The following SSBP3 variants were observed in gnomAD, a reference collection of about 807,000 sequenced individuals.
SSBP3 encodes single-stranded DNA-binding protein 3.
In SSBP3, 5 loss-of-function variants were observed where a neutral mutation model predicts 69.6. That is an observed-to-expected ratio of 0.07 (90% confidence interval 0.04 to 0.15). SSBP3 has a LOEUF of 0.15. SSBP3 is among the 10% of genes least tolerant of loss of function. The probability of loss-of-function intolerance (pLI) is 1.00; values close to 1 mark genes in which losing one functional copy is unlikely to be tolerated. For missense variants in SSBP3, 312 were observed against 534.0 expected (o/e 0.58, Z 4.10); for synonymous variants, 196 against 193.4 (o/e 1.01, Z -0.11).
chr1:54,338,498 C>T (rs186387187), intron 4 of SSBP3, among the ~76,000 whole-genome samples: 82 of 152,316 alleles, frequency 5.4e-4, no homozygotes, highest in African/African-American at 1.8e-3. Flanking sequence ...CCCACTTTCT[C>T]CACCCGCTAG....
intron 9 of SSBP3, among the ~76,000 whole-genome samples, chr1:54,248,373 A>G (rs1049874802): frequency 5.3e-5 from 8 of 152,234 alleles, no homozygotes; most frequent in African/African-American, 1.4e-4. Flanking sequence ...GGGGACTTCA[A>G]GTAACATTTC....
chr1:54,396,198 A>C (rs1375202288), intron 4 of SSBP3, among the ~76,000 whole-genome samples: 1 of 119,796 alleles, frequency 8.3e-6, no homozygotes, highest in East Asian at 2.0e-4. Context: ...TCTCAGAAAA[A>C]AAAAAAAAAA....
chr1:54,392,143 A>C (rs1421811980), intron 4 of SSBP3, among the ~76,000 whole-genome samples: 1 of 152,190 alleles, frequency 6.6e-6, no homozygotes, highest in East Asian at 1.9e-4. Flanking sequence ...TCAATGCACT[A>C]AGACTATGGC....
intron 4 of SSBP3, among the ~76,000 whole-genome samples, chr1:54,388,348 C>T (rs2100754835): frequency 6.6e-6 from 1 of 152,306 alleles, no homozygotes; most frequent in South Asian, 2.1e-4. Context: ...TTCTCTGAGC[C>T]CTGGCTTCCT....
chr1:54,239,089 T>C, intron 14 of SSBP3, 40 bp downstream of exon 14: 1 of 1,537,544 alleles, frequency 6.5e-7, no homozygotes, highest in Non-Finnish European at 9.0e-7. Flanking sequence ...TATGATTTGT[T>C]ATGGTGTCTG....
Position 54,393,716 on chromosome 1 carries a change from G to A in SSBP3, c.276+8145C>T, listed in dbSNP as rs139601321. 8.5e-4 allele frequency among the ~76,000 whole-genome samples: 129 copies of A among 152,300 alleles called. 2 individuals carry two copies. In the East Asian group the frequency reaches 0.022, roughly 26 times the overall value. On this transcript the variant is annotated intron_variant, in intron 4 of 17. Coordinates refer to ENST00000610401, the Ensembl canonical transcript of SSBP3. ...TGCTAGGCACTATTATATATTGTGT[G>A]TATATGTGTAAACTTAATCTTTATG...
chr1:54,244,462 G>T (rs1384382036), intron 9 of SSBP3, among the ~76,000 whole-genome samples: 1 of 151,980 alleles, frequency 6.6e-6, no homozygotes, highest in African/African-American at 2.4e-5. Flanking sequence ...GCCCAGGCTG[G>T]TCTCGAACTC....
At chr1:54,389,150 C>A (rs1648296185) in intron 4 of SSBP3, among the ~76,000 whole-genome samples, 1 of 152,174 alleles carries the variant, frequency 6.6e-6, no homozygotes, top group South Asian at 2.1e-4. Context: ...TTCCCCTGAG[C>A]TGATGAGAAA....
intron 4 of SSBP3, among the ~76,000 whole-genome samples, chr1:54,288,589 G>A (rs537633145): frequency 7.0e-6 from 1 of 142,634 alleles, no homozygotes; most frequent in East Asian, 2.7e-4. Context: ...GCAGGGGTGG[G>A]GGGGGGGAGG....
chr1:54,289,918 C>T (rs1645573942), intron 4 of SSBP3, among the ~76,000 whole-genome samples: 1 of 152,112 alleles, frequency 6.6e-6, no homozygotes, highest in Admixed American at 6.5e-5. Flanking sequence ...TCACTGTCCC[C>T]AGGCGGTCCC....
At chr1:54,265,412 G>A (rs897393586) in intron 5 of SSBP3, among the ~76,000 whole-genome samples, 2 of 152,110 alleles carry the variant, frequency 1.3e-5, no homozygotes, top group Admixed American at 6.5e-5. Context: ...TAAGTTGCCC[G>A]CCTGCACACC....
At chr1:54,286,000 C>T (rs535209288) in intron 4 of SSBP3, among the ~76,000 whole-genome samples, 91 of 152,316 alleles carry the variant, frequency 6.0e-4, no homozygotes, top group Non-Finnish European at 1.1e-3. Context: ...GCTAAGTCTA[C>T]ACACCAAGGG....
In SSBP3 at chr1:54,307,773, G is replaced by A. The variant is rs189394573; in HGVS notation, c.277-26246C>T. Among the ~76,000 whole-genome samples the A allele has an allele frequency of 1.4e-3, 215 of 152,256 alleles. 2 individuals carry two copies. The highest frequency in any genetic ancestry group is 4.9e-3 in the African/African-American group (205 of 41,552). On this transcript the variant is annotated intron_variant, in intron 4 of 17. Coordinates refer to ENST00000610401, the Ensembl canonical transcript of SSBP3. Reference sequence around the variant, plus strand: ...TCACTGCTACACTCCCACCTGCGCCGTGACAGTTTACAAATGCAATGGCAA... The same window carrying A: ...TCACTGCTACACTCCCACCTGCGCCATGACAGTTTACAAATGCAATGGCAA...
At chr1:54,403,781 A>T (rs1365572016) in intron 3 of SSBP3, among the ~76,000 whole-genome samples, 1 of 152,170 alleles carries the variant, frequency 6.6e-6, no homozygotes, top group Non-Finnish European at 1.5e-5. Context: ...TCCACCAGTC[A>T]GTCCCACAAA....
chr1:54,371,722 G>C (rs1041432321), intron 4 of SSBP3, among the ~76,000 whole-genome samples: 1 of 152,088 alleles, frequency 6.6e-6, no homozygotes, highest in Non-Finnish European at 1.5e-5. Context: ...TGCATGTGCC[G>C]GTGCTGCACT....
intron 10 of SSBP3, 131 bp from the exon 11 acceptor site, chr1:54,242,343 G>T (rs1014691938): frequency 2.7e-5 from 27 of 1,011,572 alleles, no homozygotes; most frequent in Middle Eastern, 4.7e-4. Flanking sequence ...GCGGTTTAGA[G>T]CCTTCTGGCT....
chr1:54,281,913 A>T (rs1300886439), intron 4 of SSBP3, among the ~76,000 whole-genome samples: 1 of 152,028 alleles, frequency 6.6e-6, no homozygotes, highest in African/African-American at 2.4e-5. Flanking sequence ...CGCGGGCAAC[A>T]TAGGGAGACC....
At chr1:54,337,887 G>A (rs978345407) in intron 4 of SSBP3, among the ~76,000 whole-genome samples, 8 of 152,172 alleles carry the variant, frequency 5.3e-5, no homozygotes, top group African/African-American at 1.9e-4. Context: ...CCAAAACTCT[G>A]GGAGGCCAAG....
intron 5 of SSBP3, among the ~76,000 whole-genome samples, chr1:54,278,410 T>A (rs1645330247): frequency 6.6e-6 from 1 of 151,678 alleles, no homozygotes; most frequent in African/African-American, 2.4e-5. Flanking sequence ...ACCAGAGACA[T>A]CTCATGCCAC....
Sources: gnomAD v4.1 joint callset for allele counts (sites outside exome capture counted in the v4.1 genomes callset) on GRCh38, gnomAD v4.1.1 for gene constraint, MANE v1.5 for transcripts, NCBI Gene and HGNC (gene_info 2026-07-23, HGNC 2026-07-21) for gene names.